AXL: variants seen among roughly 807,000 people sequenced by gnomAD.
AXL encodes tyrosine-protein kinase receptor UFO.
In AXL, 52 loss-of-function variants were observed where a neutral mutation model predicts 104.5. The ratio of observed to expected loss-of-function variants is 0.50; its 90% CI spans 0.40 to 0.63. AXL has a LOEUF of 0.63. AXL is among the 20% of genes least tolerant of loss of function. The probability of loss-of-function intolerance (pLI) is 0.00; values close to 1 mark genes in which losing one functional copy is unlikely to be tolerated. For missense variants in AXL, 1,024 were observed against 1,188.5 expected, an observed-to-expected ratio of 0.86 and a Z score of 2.04; for synonymous variants, 455 against 473.7, an observed-to-expected ratio of 0.96 and a Z score of 0.51.
At chr19:41,237,486 G>A (rs1407186203) in intron 6 of AXL, among the ~76,000 whole-genome samples, 1 of 151,994 alleles carries the variant, frequency 6.6e-6, no homozygotes, top group African/African-American at 2.4e-5. Context: ...TCAAGTGATC[G>A]CCCACCTTGG....
intron 3 of AXL, 107 bp downstream of exon 3, chr19:41,221,353 T>C: frequency 1.0e-6 from 1 of 972,728 alleles, no homozygotes; most frequent in Non-Finnish European, 1.5e-6. Context: ...TGCTGGAGGA[T>C]TCAGGATGAA....
chr19:41,239,852 T>A, intron 10 of AXL, 132 bp downstream of exon 10: 1 of 1,333,406 alleles, frequency 7.5e-7, no homozygotes, highest in Non-Finnish European at 1.1e-6. Flanking sequence ...TTCTTGAGTT[T>A]GTGTGGTCCT....
In AXL at chr19:41,219,262, C is replaced by G. The variant is rs2033739270; in HGVS notation, c.-131C>G. 1.2e-6 allele frequency: 1 copy of G among 843,270 alleles called. No homozygotes were observed. The highest frequency in any genetic ancestry group is 2.7e-5 in the East Asian group (1 of 37,234). 52.2% of individuals were successfully genotyped at this position (843,270 alleles called of 1,614,324 possible). On this transcript the variant is annotated 5_prime_UTR_variant, in exon 1 of 20. Transcript: ENST00000301178. ...TGGGCAGAGCCGGTGGCAAGGGCCT[C>G]CCCTGCCGCTGTGCCAGGCAGGCAG... is the stretch of plus-strand genomic sequence containing the variant.
rs914753989 is a variant in AXL, at chr19:41,261,759, A to G, written c.*1855A>G. The G allele has an allele frequency of 2.6e-5, 4 of 152,424 alleles. No individual in the cohort carries two copies. Among genetic ancestry groups the G allele is most frequent in the Middle Eastern group, 3.2e-3 (1 of 316 alleles). The allele number at this position is 152,424 out of a possible 1,614,324, so 9.4% of individuals were successfully genotyped here. ...GCTCAGGTCACATAAAACTTTGTAT[A>G]TCAACGAGCTTCTGTCTCCTCTTGT... is the stretch of plus-strand genomic sequence containing the variant. On this transcript the variant is annotated 3_prime_UTR_variant, in exon 20 of 20. Coordinates refer to ENST00000301178, the MANE Select transcript of AXL (RefSeq NM_021913.5).
intron 3 of AXL, 199 bp from the exon 4 acceptor site, chr19:41,221,681 G>T: frequency 1.7e-6 from 1 of 581,268 alleles, no homozygotes; most frequent in African/African-American, 1.9e-5. Context: ...CTATCGTGGG[G>T]GGTCTGACAT....
intron 9 of AXL, 124 bp from the exon 10 acceptor site, chr19:41,239,570 T>TTCACTCCCTTACTCGTGCCACACCC: frequency 3.1e-6 from 4 of 1,277,722 alleles, no homozygotes; most frequent in Non-Finnish European, 4.5e-6. Flanking sequence ...GTGCCAAACC[T>TTCACTCCCTTACTCGTGCCACACCC]TCACTCCCTT....
intron 6 of AXL, among the ~76,000 whole-genome samples, chr19:41,235,184 T>C (rs2034057082): frequency 6.6e-6 from 1 of 151,992 alleles, no homozygotes; most frequent in Non-Finnish European, 1.5e-5. Context: ...TAACCCTGTC[T>C]CTACTAAAAA....
chr19:41,229,019 A>C (rs1254136737), intron 4 of AXL, among the ~76,000 whole-genome samples: 2 of 150,398 alleles, frequency 1.3e-5, no homozygotes, highest in Non-Finnish European at 2.9e-5. Flanking sequence ...GCGTGATCTC[A>C]GCTCACTGCA....
intron 1 of AXL, among the ~76,000 whole-genome samples, chr19:41,219,712 C>G (rs1170444266): frequency 7.3e-6 from 1 of 136,422 alleles, no homozygotes; most frequent in Middle Eastern, 4.1e-3. Context: ...AGAGAGGACC[C>G]GGAGAGACAG....
At chr19:41,235,731 A>C (rs1449061249) in intron 6 of AXL, among the ~76,000 whole-genome samples, 1 of 152,178 alleles carries the variant, frequency 6.6e-6, no homozygotes, top group Non-Finnish European at 1.5e-5. Flanking sequence ...ACCTTGAACA[A>C]GTGATTCCGT....
Position 41,220,793 on chromosome 19 carries a change from C to T in AXL, c.243C>T (p.Ser81=), listed in dbSNP as rs2122195821. The change falls in exon 2 of 20, where the codon AGC becomes AGT. Residue 81 remains serine, a synonymous_variant. Coordinates refer to ENST00000301178, the MANE Select transcript of AXL (RefSeq NM_021913.5). Reference sequence around the variant, plus strand: ...GACAGATCCTGGAGCTCGCGGACAGCACCCAGACCCAGGTGCCCCTGGGTG... The same window carrying T: ...GACAGATCCTGGAGCTCGCGGACAGTACCCAGACCCAGGTGCCCCTGGGTG... ...RDGQILELAD[S]TQTQVPLGED... is the part of the protein sequence containing the mutation. 1 of 1,614,130 alleles carries T rather than the reference C, an allele frequency of 6.2e-7. No homozygotes were observed. The highest frequency in any genetic ancestry group is 8.5e-7 in the Non-Finnish European group (1 of 1,180,014).
intron 12 of AXL, among the ~76,000 whole-genome samples, chr19:41,246,722 ATTT>A (rs949459705): frequency 1.3e-5 from 2 of 151,882 alleles, no homozygotes; most frequent in African/African-American, 2.4e-5. Context: ...TTCAAAAAAA[ATTT>A]TTTTATTTTT....
rs1332099787 is a variant in AXL at position 41,239,174 on chromosome 19, A to T, written c.1145A>T (p.Asp382Val). The change falls in exon 9 of 20, where the codon GAC becomes GTC. Residue 382 changes from aspartate to valine, a missense_variant. Asp to Val is a radical substitution (Grantham distance 152). Transcript: ENST00000301178. ...TTCTGGACCTCCTAGGTGCTAATGG[A>T]CATAGGGCTAAGGCAAGAGGTGACC... ...QGQDTPEVLMDIGLRQEVTLE... is the reference protein window; with the variant it reads ...QGQDTPEVLMVIGLRQEVTLE... 6.2e-7 allele frequency: 1 copy of T among 1,613,320 alleles called. No individual in the cohort carries two copies. The highest frequency in any genetic ancestry group is 1.7e-5 in the Admixed American group (1 of 59,942).
intron 4 of AXL, among the ~76,000 whole-genome samples, chr19:41,230,119 G>A (rs1011925957): frequency 6.7e-6 from 1 of 150,264 alleles, no homozygotes; most frequent in African/African-American, 2.5e-5. Context: ...ATCTGTGTGT[G>A]TGAGACACAG....
intron 1 of AXL, 130 bp downstream of exon 1, chr19:41,219,607 G>T: frequency 2.0e-6 from 2 of 994,696 alleles, no homozygotes; most frequent in Non-Finnish European, 3.0e-6. Context: ...CCACAGAAAA[G>T]GGACTTCAAG....
chr19:41,225,013 T>C lies in AXL; in HGVS notation c.586+2957T>C, dbSNP rs191897249. ...ACTGTGTTTTTTTGTTTTTTGGGGT[T>C]TTTGTTTTGAGACGGAGTCTCACTC... is the stretch of plus-strand genomic sequence containing the variant. On this transcript the variant is annotated intron_variant, in intron 4 of 19. Coordinates refer to ENST00000301178, the MANE Select transcript of AXL (RefSeq NM_021913.5). Among the ~76,000 whole-genome samples the C allele has an allele frequency of 2.6e-4, 39 of 152,268 alleles. No individual in the cohort carries two copies. In the East Asian group the frequency reaches 6.8e-3, roughly 26 times the overall value.
chr19:41,227,377 AT>A (rs2033900249), intron 4 of AXL, among the ~76,000 whole-genome samples: 1 of 151,844 alleles, frequency 6.6e-6, no homozygotes, highest in South Asian at 2.1e-4. Context: ...TATATATATG[AT>A]TATCTTTTTC....
chr19:41,221,468 A>G, intron 3 of AXL: 1 of 536,110 alleles, frequency 1.9e-6, no homozygotes, highest in Non-Finnish European at 3.3e-6. Context: ...GTTCTGGGTG[A>G]AAAGACTTCT....
intron 17 of AXL, among the ~76,000 whole-genome samples, chr19:41,255,139 C>G (rs894191667): frequency 2.0e-5 from 3 of 152,222 alleles, no homozygotes; most frequent in African/African-American, 7.2e-5. Flanking sequence ...AAAAGTCATA[C>G]AAATGGGATC....
Sources: gnomAD v4.1 joint callset for allele counts (sites outside exome capture counted in the v4.1 genomes callset) on GRCh38, gnomAD v4.1.1 for gene constraint, MANE v1.5 for transcripts, NCBI Gene and HGNC (gene_info 2026-07-23, HGNC 2026-07-21) for gene names.